UAP1: variants seen among roughly 807,000 people sequenced by gnomAD.
UAP1 encodes UDP-N-acetylhexosamine pyrophosphorylase.
In UAP1, 25 loss-of-function variants were observed where a neutral mutation model predicts 58.5. The ratio of observed to expected loss-of-function variants is 0.43; its 90% CI spans 0.31 to 0.60. The LOEUF is 0.60. Among genes scored for constraint, UAP1 ranks in the 20% least tolerant of loss-of-function variants. UAP1 has a pLI of 0.11. For synonymous variants in UAP1, 208 were observed against 213.0 expected (o/e 0.98, Z 0.21); for missense variants, 575 against 630.0 (o/e 0.91, Z 0.93).
rs562806544 is a variant in UAP1 at position 162,587,842 on chromosome 1, T to C, written c.1028+174T>C. 261 of 649,548 alleles carry C rather than the reference T, an allele frequency of 4.0e-4. 1 individual carries two copies. The African/African-American group carries it at 4.4e-3, about 11-fold the overall frequency. 40.2% of individuals were successfully genotyped at this position (649,548 alleles called of 1,614,324 possible). ...TGTGATTGTTTTTAGTAAGATGTAT[T>C]GTAAGGTGGGAATCATCGGAGCCCA... On this transcript the variant is annotated intron_variant, in intron 6 of 10. Coordinates refer to ENST00000271469, the Ensembl canonical transcript of UAP1.
exon 2 of UAP1, chr1:162,566,183 G>C (rs11553690): frequency 3.1e-6 from 5 of 1,614,130 alleles, no homozygotes; most frequent in Non-Finnish European, 4.2e-6. Flanking sequence ...AGAGCTCCAG[G>C]CCATGAACTT....
At chr1:162,599,439 G>T (rs369960619) in exon 11 of UAP1, 1 of 935,310 alleles carries the variant, frequency 1.1e-6, no homozygotes, top group Non-Finnish European at 1.7e-6. Flanking sequence ...CCTACAAGAC[G>T]TCTTGGACAA....
chr1:162,561,684 A>T (rs1440998367), exon 1 of UAP1: 1 of 152,180 alleles, frequency 6.6e-6, no homozygotes, highest in Non-Finnish European at 1.5e-5. Flanking sequence ...GGCCCCCCGG[A>T]TGAGGGTATA....
intron 2 of UAP1, among the ~76,000 whole-genome samples, chr1:162,567,670 AG>A (rs1410297948): frequency 6.6e-6 from 1 of 152,154 alleles, no homozygotes; most frequent in African/African-American, 2.4e-5. Context: ...TACTTTCCTT[AG>A]CTTTTTAAGA....
At chr1:162,595,629 A>G (rs1655576981) in intron 9 of UAP1, among the ~76,000 whole-genome samples, 1 of 152,170 alleles carries the variant, frequency 6.6e-6, no homozygotes, top group Admixed American at 6.5e-5. Flanking sequence ...AGGCCTGCTC[A>G]TAGGTTTATA....
chr1:162,589,209 A>ATATAT (rs10679970), intron 7 of UAP1, among the ~76,000 whole-genome samples: 50,407 of 111,682 alleles, frequency 0.45, 12,320 homozygotes, highest in Non-Finnish European at 0.54. Flanking sequence ...TTATATTTAA[A>ATATAT]TATATATAAT....
At chr1:162,573,480 C>T (rs1045507488) in intron 2 of UAP1, among the ~76,000 whole-genome samples, 2 of 152,122 alleles carry the variant, frequency 1.3e-5, no homozygotes, top group Admixed American at 1.3e-4. Flanking sequence ...TATTTTGGTA[C>T]ACCTGATTTT....
chr1:162,578,343 T>C (rs1306079199), intron 3 of UAP1, among the ~76,000 whole-genome samples: 3 of 152,338 alleles, frequency 2.0e-5, no homozygotes, highest in Admixed American at 6.5e-5. Flanking sequence ...CAGTTCCCTT[T>C]TGAAAGATTC....
At chr1:162,587,773 A>G in intron 6 of UAP1, 105 bp downstream of exon 6, 2 of 1,110,988 alleles carry the variant, frequency 1.8e-6, no homozygotes, top group Non-Finnish European at 2.6e-6. Flanking sequence ...CACAGAATTC[A>G]TCTTTCCTGA....
In UAP1 at chr1:162,586,374, T is replaced by C. The variant is rs551238579; in HGVS notation, c.835-1101T>C. 2.6e-5 allele frequency among the ~76,000 whole-genome samples: 4 copies of C among 152,184 alleles called. No homozygotes were observed. The East Asian group carries it at 7.7e-4, about 29-fold the overall frequency. On this transcript the variant is annotated intron_variant, in intron 5 of 10. Transcript: ENST00000271469. ...TCTTACTCTGTTGCCCAGGCTCGAGTGGAGTGCAGTGGTGCAATCACGTTT... is the reference window on the plus strand; with the variant it reads ...TCTTACTCTGTTGCCCAGGCTCGAGCGGAGTGCAGTGGTGCAATCACGTTT...
At position 162,571,420 on chromosome 1, in the gene UAP1, C is replaced by T. The variant is rs915220949; in HGVS notation, c.280+5072C>T. Reference sequence around the variant, plus strand: ...CTGGAATTACAGGTGTGAGCCACTGCACCTGGCCGCTTTTTAAAATTTCAA... The same window carrying T: ...CTGGAATTACAGGTGTGAGCCACTGTACCTGGCCGCTTTTTAAAATTTCAA... On this transcript the variant is annotated intron_variant, in intron 2 of 10. Coordinates refer to ENST00000271469, the Ensembl canonical transcript of UAP1. Among the ~76,000 whole-genome samples the T allele has an allele frequency of 3.3e-5, 5 of 152,202 alleles. 1 individual carries two copies. The South Asian group carries it at 1.0e-3, about 32-fold the overall frequency.
exon 5 of UAP1, chr1:162,581,351 A>G (rs200202597): frequency 9.3e-6 from 15 of 1,614,112 alleles, no homozygotes; most frequent in Non-Finnish European, 1.3e-5. Flanking sequence ...TGGAGCAAAG[A>G]GGCATTTGGA....
intron 2 of UAP1, among the ~76,000 whole-genome samples, chr1:162,567,526 G>GT (rs759562116): frequency 6.6e-6 from 1 of 152,114 alleles, no homozygotes; most frequent in Non-Finnish European, 1.5e-5. Context: ...TGAAAGCTGT[G>GT]TTTTTTATAA....
At chr1:162,597,817 A>G (rs558459395) in exon 10 of UAP1, 4 of 1,613,412 alleles carry the variant, frequency 2.5e-6, no homozygotes, top group African/African-American at 1.3e-5. Flanking sequence ...TGATGTACCA[A>G]TCCAATGTGA....
At chr1:162,570,449 T>C (rs951967475) in intron 2 of UAP1, among the ~76,000 whole-genome samples, 1 of 152,194 alleles carries the variant, frequency 6.6e-6, no homozygotes, top group Non-Finnish European at 1.5e-5. Flanking sequence ...TTTGCTCCTT[T>C]TGCTTTCTCT....
At chr1:162,599,438 C>A in exon 11 of UAP1, 2 of 941,768 alleles carry the variant, frequency 2.1e-6, no homozygotes, top group Non-Finnish European at 3.3e-6. Flanking sequence ...ACCTACAAGA[C>A]GTCTTGGACA....
At chr1:162,564,879 A>G (rs556615931) in intron 1 of UAP1, among the ~76,000 whole-genome samples, 2 of 151,844 alleles carry the variant, frequency 1.3e-5, no homozygotes, top group South Asian at 4.2e-4. Flanking sequence ...CTTGTTTCCT[A>G]ATCTTTTATT....
intron 9 of UAP1, 45 bp downstream of exon 9, chr1:162,592,827 C>A: frequency 2.0e-6 from 3 of 1,489,106 alleles, no homozygotes; most frequent in South Asian, 2.4e-5. Flanking sequence ...TGGGGCTGTG[C>A]TTCCCTCCAT....
At chr1:162,585,124 A>G (rs918919888) in intron 5 of UAP1, among the ~76,000 whole-genome samples, 1 of 151,992 alleles carries the variant, frequency 6.6e-6, no homozygotes, top group Non-Finnish European at 1.5e-5. Flanking sequence ...TCCTGACCTC[A>G]AGTGATCCAC....
Sources: gnomAD v4.1 joint callset for allele counts (sites outside exome capture counted in the v4.1 genomes callset) on GRCh38, gnomAD v4.1.1 for gene constraint, MANE v1.5 for transcripts, NCBI Gene and HGNC (gene_info 2026-07-23, HGNC 2026-07-21) for gene names.